PAK4: variants seen among roughly 807,000 people sequenced by gnomAD.
PAK4 encodes the protein serine/threonine-protein kinase PAK 4.
A neutral mutation model predicts 53.5 loss-of-function variants in PAK4; 49 were observed. The ratio of observed to expected loss-of-function variants is 0.92; its 90% confidence interval spans 0.73 to 1.16. PAK4 has a LOEUF of 1.16. Among genes scored for constraint, PAK4 ranks in the 50% most tolerant of loss-of-function variants. The pLI is 0.00. For synonymous variants in PAK4, 376 were observed against 375.6 expected (o/e 1.00, Z -0.01); for missense variants, 824 against 850.7 (o/e 0.97, Z 0.39).
chr19:39,173,237 G>A lies in PAK4; in HGVS notation c.524G>A (p.Arg175Gln), dbSNP rs753466427. 55 of 1,576,790 alleles carry A rather than the reference G, an allele frequency of 3.5e-5. No individual in the cohort carries two copies. Among genetic ancestry groups the A allele is most frequent in the Middle Eastern group, 3.3e-4 (2 of 6,020 alleles). The change falls in exon 3 of 9, where the codon CGG (arginine) becomes CAG (glutamine). Residue 175 changes from arginine (R) to glutamine (Q), a missense_variant. Coordinates refer to ENST00000358301, the Ensembl canonical transcript of PAK4. This position sits in a 1 kb window ranked among gnomAD's most constrained non-coding sequence, Gnocchi z 6.9. ...TCAGGGGGTCCCCAGGAGTCCTCCC[G>A]GGACAAACGCCCCCTCTCCGGGCCT...
chr19:39,152,418 T>TC (rs2074107823), intron 1 of PAK4: 1 of 152,102 alleles, frequency 6.6e-6, no homozygotes, highest in African/African-American at 2.4e-5. Context: ...CTTAACATTG[T>TC]CCCCAAAGTG....
chr19:39,173,420 T>C lies in PAK4; in HGVS notation c.663+44T>C. ...CAGGGCCCCCACTGTCCCCTGCCCG[T>C]TGCTCCTCTGTCCCCACCTTCCAGC... On this transcript the variant is annotated intron_variant, in intron 3 of 8. Transcript: ENST00000358301. This position sits in a 1 kb window ranked among gnomAD's most constrained non-coding sequence, Gnocchi z 6.9. 1.4e-6 allele frequency: 2 copies of C among 1,414,272 alleles called. No individual in the cohort carries two copies. Among genetic ancestry groups the C allele is most frequent in the Non-Finnish European group, 1.9e-6 (2 of 1,057,972 alleles). 87.6% of individuals were successfully genotyped at this position (1,414,272 alleles called of 1,614,324 possible).
chr19:39,143,870 G>A (rs979132639), intron 1 of PAK4, among the ~76,000 whole-genome samples: 1 of 149,016 alleles, frequency 6.7e-6, no homozygotes, highest in Non-Finnish European at 1.5e-5. Context: ...TACTCAGGAG[G>A]CTGAGGTGGG....
chr19:39,144,615 T>A (rs1450688942), intron 1 of PAK4, among the ~76,000 whole-genome samples: 1 of 152,166 alleles, frequency 6.6e-6, no homozygotes, highest in Admixed American at 6.5e-5. Flanking sequence ...GCCTGGTATG[T>A]GGAGAGACCT....
At position 39,175,645 on chromosome 19, in the gene PAK4, G is replaced by A. The variant is rs2074589617; in HGVS notation, c.1359+207G>A. ...TCTGTGCAGTGGGAGGGCACAGGCT[G>A]GCGGGGGCTCTGCCATCAGCACAGG... On this transcript the variant is annotated intron_variant, in intron 6 of 8. Transcript: ENST00000358301. This position sits in a 1 kb window ranked among gnomAD's most constrained non-coding sequence, Gnocchi z 4.7. 1.3e-5 allele frequency among the ~76,000 whole-genome samples: 2 copies of A among 152,144 alleles called. No homozygotes were observed. Among genetic ancestry groups the A allele is most frequent in the South Asian group, 2.1e-4 (1 of 4,834 alleles).
intron 1 of PAK4, chr19:39,168,899 G>A (rs1378557804): frequency 6.6e-6 from 1 of 152,618 alleles, no homozygotes; most frequent in Non-Finnish European, 1.5e-5. Context: ...CAGGCCATCA[G>A]TGACCGTCCA....
chr19:39,175,265 C>G lies in PAK4; in HGVS notation c.1233-47C>G. On this transcript the variant is annotated intron_variant, in intron 5 of 8. Coordinates refer to ENST00000358301, the Ensembl canonical transcript of PAK4. The surrounding 1 kb of genome is among the most constrained non-coding windows in gnomAD (Gnocchi z 4.7). Reference sequence around the variant, plus strand: ...GCAGGGCTGCGTCCCCCTCGGCACCCCGGGGTGCTGTCCAGCTGGCTGCTC... The same window carrying G: ...GCAGGGCTGCGTCCCCCTCGGCACCGCGGGGTGCTGTCCAGCTGGCTGCTC... The G allele has an allele frequency of 6.5e-7, 1 of 1,543,842 alleles. No homozygotes were observed. Among genetic ancestry groups the G allele is most frequent in the Non-Finnish European group, 8.8e-7 (1 of 1,139,362 alleles).
downstream of PAK4, chr19:39,181,122 T>A (rs897753896): frequency 6.6e-6 from 1 of 152,320 alleles, no homozygotes; most frequent in Non-Finnish European, 1.5e-5. Context: ...TTGTTTTTTG[T>A]TTTTAGAGAC....
In PAK4 at chr19:39,161,356, G is replaced by A. The variant is rs977409398; in HGVS notation, c.-22-8176G>A. Among the ~76,000 whole-genome samples, 6 of 152,188 alleles carry A rather than the reference G, an allele frequency of 3.9e-5. No homozygotes were observed. Among genetic ancestry groups the A allele is most frequent in the Admixed American group, 2.0e-4 (3 of 15,282 alleles). ...CTAGGCTGACTGCGCCAGGCTCCGC[G>A]CCAGGTGCTGGGGGTGCCACATGGA... On this transcript the variant is annotated intron_variant, in intron 1 of 8. Coordinates refer to ENST00000358301, the Ensembl canonical transcript of PAK4. This position sits in a 1 kb window ranked among gnomAD's most constrained non-coding sequence, Gnocchi z 4.5.
chr19:39,146,042 C>T (rs1050466312), intron 1 of PAK4, among the ~76,000 whole-genome samples: 1 of 152,204 alleles, frequency 6.6e-6, no homozygotes, highest in Non-Finnish European at 1.5e-5. Context: ...GCAAAGCCTT[C>T]GTAGAAGCTA....
chr19:39,136,033 A>T (rs1266745009), intron 1 of PAK4, among the ~76,000 whole-genome samples: 1 of 25,932 alleles, frequency 3.9e-5, no homozygotes, highest in Non-Finnish European at 7.2e-5. Context: ...CTTCCTCGCC[A>T]CCCCCTTCCT....
At chr19:39,143,165 G>A (rs572638331) in intron 1 of PAK4, among the ~76,000 whole-genome samples, 411 of 152,004 alleles carry the variant, frequency 2.7e-3, no homozygotes, top group Non-Finnish European at 4.7e-3. Flanking sequence ...GTTCCCACTA[G>A]AATGTCAACT....
intron 1 of PAK4, among the ~76,000 whole-genome samples, chr19:39,150,492 C>T (rs773090006): frequency 2.0e-5 from 3 of 152,114 alleles, no homozygotes; most frequent in Non-Finnish European, 4.4e-5. Context: ...GTCCTGGCTG[C>T]CTCACAGTTG....
chr19:39,131,019 C>A (rs978447955), intron 1 of PAK4, among the ~76,000 whole-genome samples: 2 of 151,938 alleles, frequency 1.3e-5, no homozygotes, highest in African/African-American at 4.8e-5. Flanking sequence ...ACCCCTGTTA[C>A]CTCACTTCAT....
chr19:39,159,629 C>G (rs537354653), intron 1 of PAK4, among the ~76,000 whole-genome samples: 55 of 152,200 alleles, frequency 3.6e-4, no homozygotes, highest in African/African-American at 1.2e-3. Flanking sequence ...ATCAGGTGAT[C>G]CACCTGCCTC....
chr19:39,177,585 A>C, intron 7 of PAK4, 90 bp from the exon 9 acceptor site: 1 of 1,369,440 alleles, frequency 7.3e-7, no homozygotes, highest in Non-Finnish European at 9.8e-7. Flanking sequence ...CCAGAGGCAG[A>C]GACAGCGCTG....
chr19:39,137,389 T>G (rs2073834856), intron 1 of PAK4, among the ~76,000 whole-genome samples: 1 of 151,876 alleles, frequency 6.6e-6, no homozygotes, highest in Non-Finnish European at 1.5e-5. Context: ...GAATGGAGGG[T>G]TTGTGCGTGC....
intron 1 of PAK4, among the ~76,000 whole-genome samples, chr19:39,129,781 C>G (rs2073666362): frequency 6.6e-6 from 1 of 152,182 alleles, no homozygotes; most frequent in South Asian, 2.1e-4. Flanking sequence ...AGGACGGTGA[C>G]TGCAGCTTTG....
intron 1 of PAK4, among the ~76,000 whole-genome samples, chr19:39,164,882 A>G (rs1568518509): frequency 6.6e-6 from 1 of 151,874 alleles, no homozygotes; most frequent in East Asian, 1.9e-4. Flanking sequence ...GGTGGTGGCG[A>G]TGGTGGTGGG....
Sources: gnomAD v4.1 joint callset for allele counts (sites outside exome capture counted in the v4.1 genomes callset) on GRCh38, gnomAD v4.1.1 for gene constraint, Gnocchi (gnomAD v3.1) non-coding constraint, MANE v1.5 for transcripts, NCBI Gene and HGNC (gene_info 2026-07-23, HGNC 2026-07-21) for gene names.